The following ERICH6B variants were observed in gnomAD, a reference collection of about 807,000 sequenced individuals.
The protein encoded by ERICH6B is glutamate rich 6B.
ERICH6B carries 69 observed loss-of-function variants against 80.0 expected under a neutral mutation model. That is an observed-to-expected ratio of 0.86 (90% CI 0.71 to 1.05). The LOEUF (loss-of-function observed/expected upper bound fraction) is 1.05. Among genes scored for constraint, ERICH6B ranks in the 50% least tolerant of loss-of-function variants. The probability of loss-of-function intolerance (pLI) is 0.00; values close to 1 mark genes in which losing one functional copy is unlikely to be tolerated. For missense variants in ERICH6B, 754 were observed against 796.1 expected (o/e 0.95, Z 0.64); for synonymous variants, 283 against 291.9 (o/e 0.97, Z 0.31).
chr13:45,567,039 A>G (rs57257238), intron 9 of ERICH6B, among the ~76,000 whole-genome samples: 2,820 of 152,294 alleles, frequency 0.019, 93 homozygotes, highest in African/African-American at 0.064. Context: ...GGAGTTAAAG[A>G]AGATTATTTT....
At chr13:45,597,532 T>C (rs548691557) in intron 2 of ERICH6B, among the ~76,000 whole-genome samples, 78 of 152,272 alleles carry the variant, frequency 5.1e-4, no homozygotes, top group African/African-American at 1.8e-3. Flanking sequence ...GGCTGGGGCT[T>C]CTGGTCAGTT....
At chr13:45,606,503 GTGTATATATATATATATATA>G (rs1949861478) in intron 2 of ERICH6B, among the ~76,000 whole-genome samples, 3 of 32,774 alleles carry the variant, frequency 9.2e-5, no homozygotes, top group African/African-American at 3.3e-4. Context: ...AAAAGTGTAT[GTGTATATATATATATATATA>G]TATATATATA....
chr13:45,578,354 A>G (rs3014922), intron 7 of ERICH6B, among the ~76,000 whole-genome samples: 87,846 of 152,126 alleles, frequency 0.58, 26,094 homozygotes, highest in East Asian at 0.8. Flanking sequence ...ACTTGAGCCC[A>G]AGCTCTTTCT....
At chr13:45,588,634 A>G (rs1362947532) in intron 4 of ERICH6B, among the ~76,000 whole-genome samples, 1 of 152,222 alleles carries the variant, frequency 6.6e-6, no homozygotes, top group Non-Finnish European at 1.5e-5. Flanking sequence ...GACTTAGAAA[A>G]GTCAAATCTG....
chr13:45,589,712 G>C (rs1052945108), intron 4 of ERICH6B, among the ~76,000 whole-genome samples: 1 of 152,218 alleles, frequency 6.6e-6, no homozygotes, highest in African/African-American at 2.4e-5. Flanking sequence ...TCACGTCACT[G>C]TCAGGCCCCT....
chr13:45,590,639 A>C lies in ERICH6B; in HGVS notation c.686+10T>G. ...TTTCCACCTGATTTATCCCAAAAGA[A>C]AACTGTTACCTTGCATCACGAAGAA... On this transcript the variant is annotated intron_variant, in intron 4 of 14. Transcript: ENST00000298738. 3 of 1,551,112 alleles carry C rather than the reference A, an allele frequency of 1.9e-6. No homozygotes were observed. Among genetic ancestry groups the C allele is most frequent in the Non-Finnish European group, 2.6e-6 (3 of 1,146,754 alleles).
intron 13 of ERICH6B, among the ~76,000 whole-genome samples, chr13:45,548,260 TC>T (rs1445516804): frequency 1.3e-5 from 2 of 152,194 alleles, no homozygotes; most frequent in Admixed American, 1.3e-4. Flanking sequence ...TATAAGTCCC[TC>T]CCAGTGCACA....
At chr13:45,580,839 C>T (rs1235639474) in intron 5 of ERICH6B, among the ~76,000 whole-genome samples, 174 bp from the exon 6 acceptor site, 2 of 152,136 alleles carry the variant, frequency 1.3e-5, no homozygotes, top group Admixed American at 1.3e-4. Context: ...CCACTGCACC[C>T]CACCCTCTTT....
At chr13:45,549,232 C>T (rs751511919) in intron 13 of ERICH6B, among the ~76,000 whole-genome samples, 17 of 150,974 alleles carry the variant, frequency 1.1e-4, no homozygotes, top group Non-Finnish European at 1.9e-4. Context: ...TGCAATGAGC[C>T]GAGATGACAC....
intron 5 of ERICH6B, among the ~76,000 whole-genome samples, chr13:45,585,882 G>A (rs1266072586): frequency 6.6e-6 from 1 of 152,156 alleles, no homozygotes; most frequent in Admixed American, 6.5e-5. Context: ...GGCCCCTCTC[G>A]GGGCTGGGTC....
chr13:45,566,732 T>C (rs1291924308), intron 9 of ERICH6B, among the ~76,000 whole-genome samples: 1 of 152,242 alleles, frequency 6.6e-6, no homozygotes, highest in Non-Finnish European at 1.5e-5. Context: ...GGGGTCCTCA[T>C]GGAGAATCTC....
At chr13:45,579,848 G>A (rs1875581360) in intron 7 of ERICH6B, 85 bp downstream of exon 7, 2 of 1,354,138 alleles carry the variant, frequency 1.5e-6, no homozygotes, top group South Asian at 1.3e-5. Context: ...GATCAGAGAG[G>A]GAGCCACCTG....
chr13:45,574,987 CAT>C (rs1875333132), intron 7 of ERICH6B, 57 bp from the exon 8 acceptor site: 3 of 1,177,982 alleles, frequency 2.5e-6, no homozygotes, highest in South Asian at 1.4e-5. Context: ...AAACCAAAAA[CAT>C]AAAAAATTTA....
At chr13:45,565,386 T>C (rs1312584033) in intron 9 of ERICH6B, among the ~76,000 whole-genome samples, 2 of 152,080 alleles carry the variant, frequency 1.3e-5, no homozygotes, top group South Asian at 2.1e-4. Context: ...CATACCTGGC[T>C]CTCCAGGTTT....
intron 7 of ERICH6B, among the ~76,000 whole-genome samples, chr13:45,577,584 C>T (rs1875473496): frequency 6.6e-6 from 1 of 152,050 alleles, no homozygotes; most frequent in African/African-American, 2.4e-5. Flanking sequence ...TTCCTTATTC[C>T]AGTGCCTCTC....
In ERICH6B at chr13:45,596,835, C is replaced by T. The variant is rs140316121; in HGVS notation, c.171G>A (p.Glu57=). ...CTTCCTCCTCCAGATACTCTTTGTC[C>T]TCCAGAGACTCTCCCTCTGGAGAAA... ...SPFSPEGESL[E]DKEYLEEEED... is the part of the protein sequence containing the mutation. Residue 57 remains glutamate, a synonymous_variant, in exon 3 of 15, where the codon GAG becomes GAA. Coordinates refer to ENST00000298738, the MANE Select transcript of ERICH6B (RefSeq NM_182542.3). 6 of 1,551,806 alleles carry T rather than the reference C, an allele frequency of 3.9e-6. No individual in the cohort carries two copies. In the African/African-American group the frequency reaches 8.2e-5, roughly 21 times the overall value.
At chr13:45,581,068 G>A (rs559331211) in intron 5 of ERICH6B, among the ~76,000 whole-genome samples, 3 of 152,274 alleles carry the variant, frequency 2.0e-5, no homozygotes, top group South Asian at 4.2e-4. Flanking sequence ...AATGCGGTGT[G>A]CCTGTCACTG....
At chr13:45,550,612 C>G (rs1359644809) in intron 11 of ERICH6B, among the ~76,000 whole-genome samples, 1 of 152,190 alleles carries the variant, frequency 6.6e-6, no homozygotes, top group Non-Finnish European at 1.5e-5. Flanking sequence ...CATCTTAAAA[C>G]TACAGAAATT....
At chr13:45,587,288 C>T in intron 4 of ERICH6B, 56 bp from the exon 5 acceptor site, 1 of 1,502,940 alleles carries the variant, frequency 6.7e-7, no homozygotes, top group Admixed American at 2.0e-5. Context: ...GGTCAGGAAC[C>T]CCTTCTAAGG....
Sources: gnomAD v4.1 joint callset for allele counts (sites outside exome capture counted in the v4.1 genomes callset) on GRCh38, gnomAD v4.1.1 for gene constraint, MANE v1.5 for transcripts, NCBI Gene and HGNC (gene_info 2026-07-23, HGNC 2026-07-21) for gene names.